The following TMEM132D variants were observed in gnomAD, a reference collection of about 807,000 sequenced individuals.
TMEM132D encodes mature OL transmembrane protein.
A neutral mutation model predicts 62.3 loss-of-function variants in TMEM132D; 21 were observed. That is an observed-to-expected ratio of 0.34 (90% CI 0.24 to 0.49). The LOEUF (loss-of-function observed/expected upper bound fraction) is 0.49, where lower values mean the gene tolerates loss of function less well. TMEM132D is among the 20% of genes least tolerant of loss of function. The probability of loss-of-function intolerance (pLI) is 0.99; values close to 1 mark genes in which losing one functional copy is unlikely to be tolerated. For synonymous variants in TMEM132D, 621 were observed against 575.6 expected, an observed-to-expected ratio of 1.08 and a Z score of -1.13; for missense variants, 1,346 against 1,402.8, an observed-to-expected ratio of 0.96 and a Z score of 0.65.
At chr12:129,590,686 C>T (rs377082766) in intron 2 of TMEM132D, among the ~76,000 whole-genome samples, 29 of 152,280 alleles carry the variant, frequency 1.9e-4, no homozygotes, top group African/African-American at 5.8e-4. Flanking sequence ...CTTAGGCTGT[C>T]GGGATGCAAG....
chr12:129,158,730 A>G (rs1482851322), intron 5 of TMEM132D, among the ~76,000 whole-genome samples: 1 of 152,228 alleles, frequency 6.6e-6, no homozygotes, highest in Non-Finnish European at 1.5e-5. Context: ...GAGTCTTTCA[A>G]GAAGAGGCAG....
intron 4 of TMEM132D, among the ~76,000 whole-genome samples, chr12:129,320,694 T>G (rs1850340173): frequency 6.6e-6 from 1 of 152,134 alleles, no homozygotes; most frequent in African/African-American, 2.4e-5. Context: ...ATCTACAGTA[T>G]AGAAAATAGT....
chr12:129,761,656 A>G (rs1297741702), intron 1 of TMEM132D, among the ~76,000 whole-genome samples: 3 of 152,114 alleles, frequency 2.0e-5, no homozygotes, highest in East Asian at 3.9e-4. Flanking sequence ...CCCTTCCACA[A>G]TAAAGTATAA....
intron 1 of TMEM132D, among the ~76,000 whole-genome samples, chr12:129,763,054 A>AAG (rs1398214150): frequency 1.3e-5 from 2 of 152,194 alleles, no homozygotes; most frequent in Non-Finnish European, 2.9e-5. Flanking sequence ...CAGAGAGTGT[A>AAG]AACTGGCCAT....
chr12:129,594,981 G>A (rs1023400921), intron 2 of TMEM132D, among the ~76,000 whole-genome samples: 16 of 152,222 alleles, frequency 1.1e-4, no homozygotes, highest in Admixed American at 3.9e-4. Context: ...TGAAAGCAAA[G>A]TATGAACCTA....
chr12:129,180,320 T>C (rs1488871846), intron 5 of TMEM132D, among the ~76,000 whole-genome samples: 1 of 152,092 alleles, frequency 6.6e-6, no homozygotes, highest in Non-Finnish European at 1.5e-5. Context: ...CACAGCCAAT[T>C]TACAGGATTG....
Position 129,074,544 on chromosome 12 carries a change from G to A in TMEM132D, c.2631C>T (p.His877=). The A allele has an allele frequency of 6.2e-7, 1 of 1,614,088 alleles. No individual in the cohort carries two copies. Among genetic ancestry groups the A allele is most frequent in the African/African-American group, 1.3e-5 (1 of 75,006 alleles). ...TGAGGTCGCTGGGGATGGTCTGCAA[G>A]TGGCTGTTGTCATCTAAAAGGCTTT... ...GQESLLDDNS[H]LQTIPSDLTS... The change falls in exon 9 of 9, where the codon CAC becomes CAT. Residue 877 remains histidine (H), a synonymous_variant. Coordinates refer to ENST00000422113, the MANE Select transcript of TMEM132D (RefSeq NM_133448.3).
At chr12:129,329,066 C>T (rs1465138823) in intron 4 of TMEM132D, among the ~76,000 whole-genome samples, 4 of 150,190 alleles carry the variant, frequency 2.7e-5, no homozygotes, top group East Asian at 1.9e-4. Context: ...TACTTTCATA[C>T]GTCTGGAATC....
At chr12:129,173,730 T>C (rs932736513) in intron 5 of TMEM132D, among the ~76,000 whole-genome samples, 1 of 152,198 alleles carries the variant, frequency 6.6e-6, no homozygotes, top group Non-Finnish European at 1.5e-5. Flanking sequence ...ATTTATGAAC[T>C]GAGAGGTAAT....
intron 3 of TMEM132D, among the ~76,000 whole-genome samples, chr12:129,404,263 A>C (rs1593366676): frequency 6.6e-6 from 1 of 152,014 alleles, no homozygotes; most frequent in African/African-American, 2.4e-5. Flanking sequence ...CAGTGGTACG[A>C]TCTCGGCTCA....
chr12:129,577,873 CAGAT>C (rs1014905722), intron 2 of TMEM132D, among the ~76,000 whole-genome samples: 10 of 152,084 alleles, frequency 6.6e-5, no homozygotes, highest in African/African-American at 2.2e-4. Flanking sequence ...AAGGGATACT[CAGAT>C]AGCTGATAAA....
In TMEM132D at chr12:129,083,861, C is replaced by A. The variant is rs7303836; in HGVS notation, c.1649+636G>T. Among the ~76,000 whole-genome samples, 29 of 152,182 alleles carry A rather than the reference C, an allele frequency of 1.9e-4. 1 individual carries two copies. Among genetic ancestry groups the A allele is most frequent in the African/African-American group, 5.8e-4 (24 of 41,538 alleles). On this transcript the variant is annotated intron_variant, in intron 6 of 8. Transcript: ENST00000422113. ...ACATGGTACTCATGTGGTTGCCTGA[C>A]GGTAGATGGTGGAGACTCCTGGGAC...
chr12:129,557,783 G>A (rs957147883), intron 2 of TMEM132D, among the ~76,000 whole-genome samples: 6 of 151,952 alleles, frequency 3.9e-5, no homozygotes, highest in African/African-American at 2.4e-5. Flanking sequence ...CTGATGGATG[G>A]GTAAATCTGA....
At chr12:129,091,371 A>G (rs1874909904) in intron 5 of TMEM132D, among the ~76,000 whole-genome samples, 1 of 138,990 alleles carries the variant, frequency 7.2e-6, no homozygotes, top group Admixed American at 7.1e-5. Flanking sequence ...ACCCTTCCTA[A>G]GCTCACATGG....
chr12:129,477,220 C>T lies in TMEM132D; in HGVS notation c.1115+53839G>A, dbSNP rs78697550. ...ATGTCTCCAGACATTGCCGAAGTGA[C>T]ACAAGCTGAGAAACACAGTCGTAAG... On this transcript the variant is annotated intron_variant, in intron 3 of 8. Coordinates refer to ENST00000422113, the MANE Select transcript of TMEM132D (RefSeq NM_133448.3). Among the ~76,000 whole-genome samples, 614 of 152,268 alleles carry T rather than the reference C, an allele frequency of 4.0e-3. 2 individuals are homozygous for T. The highest frequency in any genetic ancestry group is 0.013 in the African/African-American group (520 of 41,558).
intron 2 of TMEM132D, among the ~76,000 whole-genome samples, chr12:129,569,006 G>A (rs902119208): frequency 6.6e-6 from 1 of 152,176 alleles, no homozygotes; most frequent in Non-Finnish European, 1.5e-5. Flanking sequence ...GGTTTGGGGT[G>A]AGACAGGAGA....
intron 4 of TMEM132D, among the ~76,000 whole-genome samples, chr12:129,225,194 A>G (rs570010265): frequency 6.6e-6 from 1 of 152,346 alleles, no homozygotes; most frequent in African/African-American, 2.4e-5. Flanking sequence ...GAAGGATTTC[A>G]TACATGAAAG....
chr12:129,537,059 C>T (rs890857262), intron 2 of TMEM132D, among the ~76,000 whole-genome samples: 107 of 148,530 alleles, frequency 7.2e-4, no homozygotes, highest in African/African-American at 2.5e-3. Flanking sequence ...ACTCAGGAGG[C>T]TGAGACGGGA....
intron 3 of TMEM132D, among the ~76,000 whole-genome samples, chr12:129,490,448 T>G (rs1177478543): frequency 5.1e-5 from 6 of 116,506 alleles, no homozygotes; most frequent in African/African-American, 1.9e-4. Flanking sequence ...TTTTTTTTTT[T>G]GAGACAGAGT....
Sources: gnomAD v4.1 joint callset for allele counts (sites outside exome capture counted in the v4.1 genomes callset) on GRCh38, gnomAD v4.1.1 for gene constraint, MANE v1.5 for transcripts, NCBI Gene and HGNC (gene_info 2026-07-23, HGNC 2026-07-21) for gene names.